GNB1: variants seen among roughly 807,000 people sequenced by gnomAD.
The protein encoded by GNB1 is guanine nucleotide-binding protein G(I)/G(S)/G(T) subunit beta-1.
A neutral mutation model predicts 42.9 loss-of-function variants in GNB1; 2 were observed. That is an observed-to-expected ratio of 0.05 (90% confidence interval 0.02 to 0.15). GNB1 has a LOEUF of 0.15. Ranked by LOEUF, GNB1 falls within the 10% of genes least tolerant of loss-of-function variation. The pLI is 1.00. For missense variants in GNB1, 193 were observed against 462.2 expected (o/e 0.42, Z 5.34); for synonymous variants, 183 against 174.7 (o/e 1.05, Z -0.38).
intron 2 of GNB1, among the ~76,000 whole-genome samples, chr1:1,830,036 G>T (rs948318113): frequency 6.6e-6 from 1 of 151,358 alleles, no homozygotes; most frequent in East Asian, 2.0e-4. Flanking sequence ...CACTGCGCCC[G>T]GCCCGCCATC....
chr1:1,855,152 G>A (rs1338735041), intron 1 of GNB1, among the ~76,000 whole-genome samples: 2 of 76,234 alleles, frequency 2.6e-5, no homozygotes, highest in African/African-American at 8.1e-5. Flanking sequence ...GAGCAAGACC[G>A]TATCTCAAAA....
chr1:1,846,558 C>T (rs1478433140), intron 1 of GNB1, among the ~76,000 whole-genome samples: 1 of 152,046 alleles, frequency 6.6e-6, no homozygotes, highest in Non-Finnish European at 1.5e-5. Flanking sequence ...CAAAGTGAGA[C>T]TCCATCTCAA....
At chr1:1,839,340 G>A (rs1029130257) in intron 1 of GNB1, 102 bp from the exon 2 acceptor site, 2 of 152,086 alleles carry the variant, frequency 1.3e-5, no homozygotes, top group African/African-American at 4.8e-5. Context: ...ACATAAATTT[G>A]ACCCTTCCCT....
intron 1 of GNB1, among the ~76,000 whole-genome samples, chr1:1,840,623 A>T (rs905724781): frequency 6.6e-6 from 1 of 152,266 alleles, no homozygotes; most frequent in Non-Finnish European, 1.5e-5. Flanking sequence ...GTTTGGCATG[A>T]CAGTGGAGAG....
At chr1:1,874,345 G>C (rs531161249) in intron 1 of GNB1, among the ~76,000 whole-genome samples, 1 of 151,868 alleles carries the variant, frequency 6.6e-6, no homozygotes, top group African/African-American at 2.4e-5. Flanking sequence ...TGGCTCACGC[G>C]TGTCTGTAAT....
intron 1 of GNB1, among the ~76,000 whole-genome samples, chr1:1,844,288 G>A (rs1402595411): frequency 3.3e-5 from 5 of 151,854 alleles, no homozygotes; most frequent in Non-Finnish European, 7.4e-5. Flanking sequence ...CTACTTGAGA[G>A]GCTGAGGCAG....
chr1:1,812,633 T>C (rs1386065669), intron 5 of GNB1, among the ~76,000 whole-genome samples: 1 of 152,176 alleles, frequency 6.6e-6, no homozygotes, highest in African/African-American at 2.4e-5. Context: ...TGGACCAATG[T>C]GGCACCCCAG....
chr1:1,789,398 G>A, intron 9 of GNB1, 129 bp from the exon 10 acceptor site: 1 of 641,536 alleles, frequency 1.6e-6, no homozygotes, highest in South Asian at 1.8e-5. Flanking sequence ...GCTCTGGTAA[G>A]AACAGAGGGC....
At chr1:1,862,852 T>A (rs997844669) in intron 1 of GNB1, among the ~76,000 whole-genome samples, 7 of 152,170 alleles carry the variant, frequency 4.6e-5, no homozygotes, top group African/African-American at 9.7e-5. Context: ...CACGTAGGCA[T>A]CACACCTTGG....
At chr1:1,838,458 T>C (rs1371627950) in intron 2 of GNB1, among the ~76,000 whole-genome samples, 1 of 151,496 alleles carries the variant, frequency 6.6e-6, no homozygotes, top group African/African-American at 2.4e-5. Flanking sequence ...TCTTTTTTTT[T>C]TTTTGAGACG....
At chr1:1,798,287 C>T (rs1468068238) in intron 7 of GNB1, among the ~76,000 whole-genome samples, 1 of 152,242 alleles carries the variant, frequency 6.6e-6, no homozygotes, top group Non-Finnish European at 1.5e-5. Flanking sequence ...CAGTCACCAG[C>T]TGCCCTGTTG....
At chr1:1,877,316 A>AATATATAT (rs1553206589) in intron 1 of GNB1, among the ~76,000 whole-genome samples, 2 of 121,686 alleles carry the variant, frequency 1.6e-5, no homozygotes, top group Non-Finnish European at 3.2e-5. Context: ...AAAAAAAAAA[A>AATATATAT]ATATATATAT....
At chr1:1,805,965 T>C (rs1205923165) in intron 6 of GNB1, among the ~76,000 whole-genome samples, 1 of 152,236 alleles carries the variant, frequency 6.6e-6, no homozygotes, top group Non-Finnish European at 1.5e-5. Flanking sequence ...TTAGTATTCT[T>C]TAGTAAAATA....
At chr1:1,843,673 CA>C (rs1218319070) in intron 1 of GNB1, among the ~76,000 whole-genome samples, 4 of 152,114 alleles carry the variant, frequency 2.6e-5, no homozygotes, top group Non-Finnish European at 4.4e-5. Flanking sequence ...CAAGATGACC[CA>C]AATGTATGCT....
At chr1:1,833,197 G>A (rs750160290) in intron 2 of GNB1, among the ~76,000 whole-genome samples, 4 of 152,120 alleles carry the variant, frequency 2.6e-5, no homozygotes, top group Admixed American at 1.3e-4. Flanking sequence ...GTCTTACACC[G>A]GGGCAGGAAA....
rs189273279 is a variant in GNB1 at position 1,885,323 on chromosome 1, G to A, written c.-96+5497C>T. On this transcript the variant is annotated intron_variant, in intron 1 of 11. Coordinates refer to ENST00000378609, the MANE Select transcript of GNB1 (RefSeq NM_002074.5). ...AGCTACTTGGGAGGCTGAGGCAGGA[G>A]AATCACTTGAACCCGGGAGGCAGAA... 2.8e-3 allele frequency among the ~76,000 whole-genome samples: 424 copies of A among 150,832 alleles called. 1 individual carries two copies. The highest frequency in any genetic ancestry group is 9.9e-3 in the African/African-American group (407 of 41,206).
chr1:1,822,246 C>T (rs1250094430), intron 3 of GNB1, among the ~76,000 whole-genome samples: 1 of 152,054 alleles, frequency 6.6e-6, no homozygotes, highest in African/African-American at 2.4e-5. Context: ...CTTGGTATCC[C>T]AAAGTACTGG....
intron 5 of GNB1, among the ~76,000 whole-genome samples, chr1:1,813,882 A>G (rs1241334993): frequency 2.0e-5 from 3 of 152,254 alleles, no homozygotes; most frequent in Non-Finnish European, 2.9e-5. Context: ...ATATATCCAC[A>G]TTGTGAAATA....
At chr1:1,846,383 G>A (rs1400599127) in intron 1 of GNB1, among the ~76,000 whole-genome samples, 12 of 152,158 alleles carry the variant, frequency 7.9e-5, no homozygotes, top group Admixed American at 1.3e-4. Flanking sequence ...CCAGGCCAAC[G>A]TGGTGAAACT....
Sources: allele counts gnomAD v4.1 joint callset (sites outside exome capture counted in the v4.1 genomes callset), GRCh38; gene constraint gnomAD v4.1.1; transcripts MANE v1.5; gene names NCBI Gene and HGNC (gene_info 2026-07-23, HGNC 2026-07-21).